The following EPS15 variants were observed in gnomAD, a reference collection of about 807,000 sequenced individuals.
EPS15 encodes the protein epidermal growth factor receptor substrate 15.
A neutral mutation model predicts 113.8 loss-of-function variants in EPS15; 72 were observed. The observed-to-expected ratio is 0.63, with a 90% CI of 0.52 to 0.77. EPS15 has a LOEUF of 0.77. EPS15 is among the 30% of genes least tolerant of loss of function. The pLI is 0.00. For synonymous variants in EPS15, 344 were observed against 363.4 expected, an observed-to-expected ratio of 0.95 and a Z score of 0.61; for missense variants, 1,048 against 1,045.8, an observed-to-expected ratio of 1.00 and a Z score of -0.03.
At chr1:51,467,103 T>C (rs547367752) in intron 5 of EPS15, among the ~76,000 whole-genome samples, 111 of 152,262 alleles carry the variant, frequency 7.3e-4, no homozygotes, top group South Asian at 7.3e-3. Context: ...CCTCACTCCA[T>C]AAAACCAAAA....
At chr1:51,383,557 A>AT (rs1442341387) in intron 21 of EPS15, among the ~76,000 whole-genome samples, 6 of 152,206 alleles carry the variant, frequency 3.9e-5, no homozygotes, top group Non-Finnish European at 8.8e-5. Context: ...ATAAGGTTCA[A>AT]GCTCCTATGA....
intron 21 of EPS15, among the ~76,000 whole-genome samples, chr1:51,387,985 A>G (rs1236024250): frequency 6.6e-6 from 1 of 152,234 alleles, no homozygotes; most frequent in Non-Finnish European, 1.5e-5. Flanking sequence ...AGACATCTAC[A>G]GAACTCTCCA....
chr1:51,475,823 T>A (rs1411010348), intron 2 of EPS15, among the ~76,000 whole-genome samples: 1 of 152,210 alleles, frequency 6.6e-6, no homozygotes, highest in Non-Finnish European at 1.5e-5. Context: ...GGTCTAACAT[T>A]TAAGTCTTTA....
chr1:51,447,104 C>T lies in EPS15; in HGVS notation c.653G>A (p.Trp218Ter). 1 of 1,597,170 alleles carries T rather than the reference C, an allele frequency of 6.3e-7. No homozygotes were observed. Among genetic ancestry groups the T allele is most frequent in the Non-Finnish European group, 8.5e-7 (1 of 1,175,550 alleles). ...ALVPPSKRKT[W>*]VVSPAEKAKY... ...AGCTTTTTCTGCAGGGGATACAACC[C>T]ACTACAGGGAGGAAAAAAAACAGTA... The change falls in exon 10 of 25, where the codon TGG becomes TAG. Residue 218 changes from tryptophan (W) to a stop codon, truncating the protein, a stop_gained and splice_region_variant. Coordinates refer to ENST00000371733, the MANE Select transcript of EPS15 (RefSeq NM_001981.3). LOFTEE classifies it high-confidence loss of function.
chr1:51,371,154 A>G (rs1367737156), intron 21 of EPS15, among the ~76,000 whole-genome samples: 1 of 152,074 alleles, frequency 6.6e-6, no homozygotes, highest in South Asian at 2.1e-4. Context: ...CCCAACCTCA[A>G]TCCACCCACC....
At chr1:51,503,497 C>T (rs868105356) in intron 1 of EPS15, among the ~76,000 whole-genome samples, 4 of 152,028 alleles carry the variant, frequency 2.6e-5, no homozygotes, top group African/African-American at 4.8e-5. Flanking sequence ...CAAAAATTAA[C>T]CAGGAATGGT....
intron 8 of EPS15, among the ~76,000 whole-genome samples, chr1:51,455,606 A>T (rs1342169526): frequency 6.6e-6 from 1 of 152,082 alleles, no homozygotes; most frequent in East Asian, 1.9e-4. Context: ...AAAGAAAAAG[A>T]AAAATTTGCT....
chr1:51,461,277 G>C, intron 7 of EPS15, 127 bp from the exon 8 acceptor site: 2 of 668,700 alleles, frequency 3.0e-6, no homozygotes, highest in South Asian at 1.8e-5. Context: ...AGCACTTTGA[G>C]AGGCCAAGGC....
chr1:51,497,231 T>C (rs1644339607), intron 1 of EPS15, among the ~76,000 whole-genome samples: 1 of 152,220 alleles, frequency 6.6e-6, no homozygotes, highest in African/African-American at 2.4e-5. Flanking sequence ...TACAGAGCAA[T>C]GATGACTGCC....
intron 21 of EPS15, among the ~76,000 whole-genome samples, chr1:51,387,036 A>C (rs1203693009): frequency 6.6e-6 from 1 of 152,180 alleles, no homozygotes; most frequent in Non-Finnish European, 1.5e-5. Flanking sequence ...CCAAAGTTGA[A>C]ATGAAGGAAA....
At chr1:51,497,978 A>G (rs1027822715) in intron 1 of EPS15, among the ~76,000 whole-genome samples, 1 of 151,654 alleles carries the variant, frequency 6.6e-6, no homozygotes, top group African/African-American at 2.4e-5. Context: ...CCCGTCTCAA[A>G]AAAAAAAAAA....
intron 21 of EPS15, among the ~76,000 whole-genome samples, chr1:51,379,578 A>G (rs1646888235): frequency 1.3e-5 from 2 of 152,242 alleles, no homozygotes; most frequent in African/African-American, 4.8e-5. Flanking sequence ...ATTCCCAGAT[A>G]AACAAAAACT....
rs41292519 is a variant in EPS15 at position 51,356,274 on chromosome 1, A to G, written c.*426T>C. On this transcript the variant is annotated 3_prime_UTR_variant, in exon 25 of 25. Coordinates refer to ENST00000371733, the MANE Select transcript of EPS15 (RefSeq NM_001981.3). ...GATATTCTTTCCCTTACCCTCACTCAACCATTCCAATCAGGGGAGAATACT... is the reference window on the plus strand; with the variant it reads ...GATATTCTTTCCCTTACCCTCACTCGACCATTCCAATCAGGGGAGAATACT... 6.2e-5 allele frequency: 14 copies of G among 225,146 alleles called. No individual in the cohort carries two copies. The highest frequency in any genetic ancestry group is 3.1e-4 in the African/African-American group (14 of 44,938). 13.9% of individuals were successfully genotyped at this position (225,146 alleles called of 1,614,324 possible).
chr1:51,475,802 T>C (rs1655633452), intron 2 of EPS15, among the ~76,000 whole-genome samples: 1 of 152,244 alleles, frequency 6.6e-6, no homozygotes, highest in Admixed American at 6.5e-5. Context: ...CTAGGGTTTT[T>C]ATGGGTTTTA....
chr1:51,408,392 G>C (rs537035349), intron 14 of EPS15, 60 bp from the exon 15 acceptor site: 1 of 1,247,216 alleles, frequency 8.0e-7, no homozygotes, highest in African/African-American at 1.5e-5. Context: ...TCATTAAAAT[G>C]TTCCAAAATG....
chr1:51,469,573 T>C (rs1655095623), intron 4 of EPS15, among the ~76,000 whole-genome samples: 2 of 152,180 alleles, frequency 1.3e-5, no homozygotes, highest in Admixed American at 1.3e-4. Flanking sequence ...AACCTGTCAA[T>C]ACCCTAGTAT....
chr1:51,429,075 G>A (rs1299442631), intron 12 of EPS15, among the ~76,000 whole-genome samples: 1 of 152,050 alleles, frequency 6.6e-6, no homozygotes, highest in Non-Finnish European at 1.5e-5. Flanking sequence ...TTTCTGTAGA[G>A]ACAAGGTCTC....
intron 8 of EPS15, among the ~76,000 whole-genome samples, chr1:51,457,117 C>T (rs1042581996): frequency 2.6e-5 from 4 of 151,950 alleles, no homozygotes; most frequent in Non-Finnish European, 4.4e-5. Flanking sequence ...AACCCCGTCT[C>T]TACTAAAAAT....
chr1:51,480,224 G>GA, intron 2 of EPS15, among the ~76,000 whole-genome samples: 1 of 152,284 alleles, frequency 6.6e-6, no homozygotes, highest in South Asian at 2.1e-4. Flanking sequence ...CAAAAATAAT[G>GA]AAACCAGCCT....
Sources: allele counts gnomAD v4.1 joint callset (sites outside exome capture counted in the v4.1 genomes callset), GRCh38; gene constraint gnomAD v4.1.1; transcripts MANE v1.5; gene names NCBI Gene and HGNC (gene_info 2026-07-23, HGNC 2026-07-21).